The following STT3B variants were observed in gnomAD, a reference collection of about 807,000 sequenced individuals.
The protein encoded by STT3B is dolichyl-diphosphooligosaccharide--protein glycosyltransferase subunit STT3B.
In STT3B, 29 loss-of-function variants were observed where a neutral mutation model predicts 96.8. The observed-to-expected ratio is 0.30, with a 90% CI of 0.22 to 0.41. STT3B has a LOEUF of 0.41. Among genes scored for constraint, STT3B ranks in the 10% least tolerant of loss-of-function variants. The pLI, the probability that STT3B is intolerant of heterozygous loss-of-function variation, is 1.00. For synonymous variants in STT3B, 367 were observed against 360.0 expected (o/e 1.02, Z -0.22); for missense variants, 640 against 1,022.3 (o/e 0.63, Z 5.10).
intron 15 of STT3B, 99 bp downstream of exon 15, chr3:31,633,246 T>C: frequency 2.0e-6 from 2 of 1,022,334 alleles, no homozygotes; most frequent in South Asian, 3.3e-5. Flanking sequence ...TCTGCCAGAT[T>C]TATAAAGACT....
chr3:31,541,472 G>GTTTTTTTTTTTTTTTTTTTTT (rs1302731899), intron 1 of STT3B, among the ~76,000 whole-genome samples: 4 of 106,920 alleles, frequency 3.7e-5, no homozygotes, highest in African/African-American at 1.0e-4. Flanking sequence ...TTCTTTTTTT[G>GTTTTTTTTTTTTTTTTTTTTT]TTTTTTTTTT....
chr3:31,573,391 T>A (rs975454096), intron 1 of STT3B, among the ~76,000 whole-genome samples: 3 of 152,124 alleles, frequency 2.0e-5, no homozygotes, highest in African/African-American at 7.2e-5. Flanking sequence ...AAGAGACCAG[T>A]TAGAGGCTAT....
At chr3:31,538,701 A>C (rs945159728) in intron 1 of STT3B, among the ~76,000 whole-genome samples, 1 of 152,200 alleles carries the variant, frequency 6.6e-6, no homozygotes, top group African/African-American at 2.4e-5. Context: ...CAAATAGTAT[A>C]GGACCCACTG....
chr3:31,591,584 A>G (rs946719946), intron 3 of STT3B, among the ~76,000 whole-genome samples: 2 of 152,110 alleles, frequency 1.3e-5, no homozygotes, highest in African/African-American at 4.8e-5. Context: ...TAATATTACA[A>G]TCTACTTCTA....
rs770844665 is a variant in STT3B at position 31,585,573 on chromosome 3, TTTTTGTTTTG to T, written c.711+5491_711+5500del. On this transcript the variant is annotated intron_variant, in intron 3 of 15. Transcript: ENST00000295770. ...TCTTACAGGTTTTGTTTTGTTTTGT[TTTTTGTTTTG>T]TTTTGTTTTGTTTCTTTAAGGTTCC... Among the ~76,000 whole-genome samples the T allele has an allele frequency of 4.9e-4, 73 of 147,816 alleles. 1 individual carries two copies. Among genetic ancestry groups the T allele is most frequent in the Non-Finnish European group, 8.0e-4 (54 of 67,876 alleles).
At chr3:31,610,297 G>T (rs575510919) in intron 5 of STT3B, among the ~76,000 whole-genome samples, 1 of 152,276 alleles carries the variant, frequency 6.6e-6, no homozygotes, top group East Asian at 1.9e-4. Flanking sequence ...TCTACCCGTT[G>T]TGTGTGTTTT....
At chr3:31,586,604 A>G (rs1464285240) in intron 3 of STT3B, among the ~76,000 whole-genome samples, 1 of 152,122 alleles carries the variant, frequency 6.6e-6, no homozygotes, top group African/African-American at 2.4e-5. Context: ...TTTGAATGTT[A>G]GGTTTTTCCA....
chr3:31,534,250 T>G (rs923930537), intron 1 of STT3B, among the ~76,000 whole-genome samples: 4 of 152,236 alleles, frequency 2.6e-5, no homozygotes, highest in African/African-American at 9.6e-5. Context: ...AAGTTGCACA[T>G]GGTGTAAGGG....
chr3:31,554,410 G>A (rs760466661), intron 1 of STT3B, among the ~76,000 whole-genome samples: 2 of 152,034 alleles, frequency 1.3e-5, no homozygotes, highest in South Asian at 2.1e-4. Flanking sequence ...ACTATCTCTC[G>A]TTGTTGTTGT....
intron 8 of STT3B, among the ~76,000 whole-genome samples, chr3:31,618,334 T>TA (rs1699354931): frequency 6.6e-6 from 1 of 152,052 alleles, no homozygotes; most frequent in Admixed American, 6.5e-5. Flanking sequence ...TTAAGAATTC[T>TA]TAAGGATACT....
intron 8 of STT3B, among the ~76,000 whole-genome samples, chr3:31,619,156 A>G (rs928517253): frequency 3.3e-5 from 5 of 152,132 alleles, no homozygotes; most frequent in African/African-American, 9.7e-5. Flanking sequence ...ACGCTCTAAA[A>G]TCATGAACTT....
At position 31,637,110 on chromosome 3, in the gene STT3B, A is replaced by T. The variant is rs1312712136; in HGVS notation, c.*1046A>T. ...TATATGCATTTTCTTACTTTTGTTA[A>T]AAATGTGACAGTTGTCAAAAAATGC... On this transcript the variant is annotated 3_prime_UTR_variant, in exon 16 of 16. Coordinates refer to ENST00000295770, the MANE Select transcript of STT3B (RefSeq NM_178862.3). 6.6e-6 allele frequency: 1 copy of T among 152,180 alleles called. No homozygotes were observed. The highest frequency in any genetic ancestry group is 1.5e-5 in the Non-Finnish European group (1 of 68,032). The allele number at this position is 152,180 out of a possible 1,614,324, so 9.4% of individuals were successfully genotyped here. A position where few individuals can be genotyped will look rare whatever the true frequency, so the allele number is the denominator to read the frequency against.
At chr3:31,587,601 T>C (rs1698571520) in intron 3 of STT3B, among the ~76,000 whole-genome samples, 2 of 151,980 alleles carry the variant, frequency 1.3e-5, no homozygotes, top group African/African-American at 4.8e-5. Context: ...AAATACTTTA[T>C]TTTTTTATTG....
At chr3:31,591,607 C>T (rs765570745) in intron 3 of STT3B, among the ~76,000 whole-genome samples, 15 of 152,058 alleles carry the variant, frequency 9.9e-5, no homozygotes, top group Admixed American at 3.3e-4. Context: ...TAACATAATT[C>T]TGGTAAAATA....
At chr3:31,551,164 C>T (rs958829289) in intron 1 of STT3B, among the ~76,000 whole-genome samples, 2 of 151,918 alleles carry the variant, frequency 1.3e-5, no homozygotes, top group Admixed American at 6.6e-5. Context: ...GAATTGTACT[C>T]CTTTCCTTTA....
chr3:31,612,761 T>C (rs1405554171), intron 5 of STT3B, among the ~76,000 whole-genome samples: 1 of 152,190 alleles, frequency 6.6e-6, no homozygotes, highest in Non-Finnish European at 1.5e-5. Flanking sequence ...AGCAAATGTC[T>C]AAGATGAAAC....
chr3:31,616,459 A>C (rs1327870860), intron 6 of STT3B, among the ~76,000 whole-genome samples: 2 of 152,006 alleles, frequency 1.3e-5, no homozygotes, highest in Non-Finnish European at 2.9e-5. Flanking sequence ...TCTTGTCTAA[A>C]TGTGTAATTA....
intron 5 of STT3B, among the ~76,000 whole-genome samples, chr3:31,613,761 C>T (rs79528388): frequency 0.041 from 6,185 of 151,748 alleles, 422 homozygotes; most frequent in African/African-American, 0.14. Flanking sequence ...GTAGACATTT[C>T]GGGTCATGTG....
At position 31,626,886 on chromosome 3, in the gene STT3B, T is replaced by C. The variant is rs188425580; in HGVS notation, c.2073+759T>C. Among the ~76,000 whole-genome samples the C allele has an allele frequency of 2.6e-5, 4 of 152,326 alleles. No individual in the cohort carries two copies. In the East Asian group the frequency reaches 7.7e-4, roughly 29 times the overall value. ...AATGTAAGCCTCTTTATGTTTTGCC[T>C]TCCTTTGCTGGTGTCTTGTTCTTCT... On this transcript the variant is annotated intron_variant, in intron 13 of 15. Transcript: ENST00000295770.
Sources: allele counts gnomAD v4.1 joint callset (sites outside exome capture counted in the v4.1 genomes callset), GRCh38; gene constraint gnomAD v4.1.1; transcripts MANE v1.5; gene names NCBI Gene and HGNC (gene_info 2026-07-23, HGNC 2026-07-21).